USP32: variants seen among roughly 807,000 people sequenced by gnomAD.
The protein encoded by USP32 is ubiquitin carboxyl-terminal hydrolase 32.
A neutral mutation model predicts 204.8 loss-of-function variants in USP32; 59 were observed. The ratio of observed to expected loss-of-function variants is 0.29; its 90% CI spans 0.23 to 0.36. The LOEUF is 0.36. Ranked by LOEUF, USP32 falls within the 10% of genes least tolerant of loss-of-function variation. USP32 has a pLI of 1.00. For synonymous variants in USP32, 517 were observed against 678.4 expected (o/e 0.76, Z 3.70); for missense variants, 1,160 against 1,946.4 (o/e 0.60, Z 7.60).
chr17:60,329,392 C>T lies in USP32; in HGVS notation c.186+16089G>A, dbSNP rs114143662. On this transcript the variant is annotated intron_variant, in intron 2 of 33. Coordinates refer to ENST00000300896, the MANE Select transcript of USP32 (RefSeq NM_032582.4). ...GACTATTATATGCTAGGTATGAGCC[C>T]AGACCATAAAATGTTTATAGAACAT... Among the ~76,000 whole-genome samples the T allele has an allele frequency of 5.7e-3, 864 of 151,526 alleles. 7 individuals carry two copies. Among genetic ancestry groups the T allele is most frequent in the African/African-American group, 0.02 (827 of 41,386 alleles).
chr17:60,183,318 G>C lies in USP32; in HGVS notation c.3970C>G (p.Pro1324Ala). The change falls in exon 31 of 34, where the codon CCA becomes GCA. Residue 1324 changes from proline (P) to alanine (A), a missense_variant. By Grantham distance (27) the Pro-to-Ala change is conservative (BLOSUM62 -1). Coordinates refer to ENST00000300896, the MANE Select transcript of USP32 (RefSeq NM_032582.4). Reference protein sequence around the residue: ...PRDPALCQHKPLTPQGDELSE... With the variant: ...PRDPALCQHKALTPQGDELSE... ...AGCTCATCCCCCTGGGGTGTGAGTG[G>C]TTTATGCTGGCAGAGAGCCGGGTCT... is the stretch of plus-strand genomic sequence containing the variant. 6.2e-7 allele frequency: 1 copy of C among 1,613,988 alleles called. No homozygotes were observed. The highest frequency in any genetic ancestry group is 8.5e-7 in the Non-Finnish European group (1 of 1,179,870).
chr17:60,380,083 CA>C (rs1285784922), intron 1 of USP32, among the ~76,000 whole-genome samples: 12 of 152,142 alleles, frequency 7.9e-5, no homozygotes, highest in African/African-American at 2.9e-4. Context: ...AGGAAAGCTC[CA>C]AAGAAGGTAA....
At chr17:60,267,895 C>A (rs1377897876) in intron 7 of USP32, among the ~76,000 whole-genome samples, 1 of 152,086 alleles carries the variant, frequency 6.6e-6, no homozygotes, top group African/African-American at 2.4e-5. Context: ...ACTGCAACCT[C>A]CACCTCCCAG....
chr17:60,395,562 G>C (rs144751700), upstream of USP32, among the ~76,000 whole-genome samples: 2 of 152,202 alleles, frequency 1.3e-5, no homozygotes, highest in Admixed American at 6.5e-5. Flanking sequence ...AAGTCTGCTT[G>C]TCATGCTGAA....
At position 60,392,109 on chromosome 17, in the gene USP32, G is replaced by T; in HGVS notation, c.-170C>A. On this transcript the variant is annotated 5_prime_UTR_variant, in exon 1 of 34. Transcript: ENST00000300896. ...GCCCCGGCGGCTCCTCCCGGTCGCC[G>T]CCACCGCCTCCATGCCGGATCACGT... 1.6e-6 allele frequency: 1 copy of T among 617,818 alleles called. No homozygotes were observed. 38.3% of individuals were successfully genotyped at this position (617,818 alleles called of 1,614,324 possible).
At chr17:60,319,878 T>A (rs2088071882) in intron 2 of USP32, among the ~76,000 whole-genome samples, 1 of 152,176 alleles carries the variant, frequency 6.6e-6, no homozygotes, top group Non-Finnish European at 1.5e-5. Context: ...AATCTAGAGA[T>A]GATTTAAAGT....
At chr17:60,262,054 G>A (rs1329876061) in intron 9 of USP32, among the ~76,000 whole-genome samples, 1 of 152,116 alleles carries the variant, frequency 6.6e-6, no homozygotes, top group African/African-American at 2.4e-5. Context: ...AACTGTAAAT[G>A]GATTTTATTT....
intron 1 of USP32, among the ~76,000 whole-genome samples, chr17:60,345,818 CA>C (rs886984358): frequency 2.0e-5 from 3 of 150,974 alleles, no homozygotes; most frequent in African/African-American, 7.3e-5. Context: ...CCCATCTCTA[CA>C]AAAAAAACAA....
chr17:60,207,871 T>C (rs1027834388), intron 24 of USP32, 188 bp downstream of exon 24: 2 of 991,364 alleles, frequency 2.0e-6, no homozygotes, highest in African/African-American at 3.5e-5. Flanking sequence ...GTATTATCCC[T>C]TTATTCTGGT....
intron 12 of USP32, among the ~76,000 whole-genome samples, chr17:60,227,037 CAA>C (rs58720440): frequency 0.044 from 2,712 of 61,332 alleles, 83 homozygotes; most frequent in African/African-American, 0.14. Flanking sequence ...GACTCTGTCT[CAA>C]AAAAAAAAAA....
chr17:60,271,488 G>A lies in USP32; in HGVS notation c.572-7C>T. 6.2e-7 allele frequency: 1 copy of A among 1,611,498 alleles called. No homozygotes were observed. Among genetic ancestry groups the A allele is most frequent in the Non-Finnish European group, 8.5e-7 (1 of 1,178,740 alleles). On this transcript the variant is annotated splice_region_variant and splice_polypyrimidine_tract_variant and intron_variant, in intron 5 of 33. Coordinates refer to ENST00000300896, the MANE Select transcript of USP32 (RefSeq NM_032582.4). ...ATGATGTCTGATTCCTCCACTAAGG[G>A]TCAAATCAAAAAAGATTATAAAACC... is the stretch of plus-strand genomic sequence containing the variant.
intron 13 of USP32, among the ~76,000 whole-genome samples, chr17:60,225,542 T>A (rs9890837): frequency 2.0e-5 from 3 of 152,136 alleles, no homozygotes; most frequent in East Asian, 3.8e-4. Flanking sequence ...AAAATACTAA[T>A]ATATTCAAGA....
At chr17:60,367,123 A>G (rs1054721335) in intron 1 of USP32, among the ~76,000 whole-genome samples, 9 of 152,168 alleles carry the variant, frequency 5.9e-5, no homozygotes, top group South Asian at 4.1e-4. Context: ...CACCGCGCCT[A>G]GCCTAAGCCC....
intron 1 of USP32, among the ~76,000 whole-genome samples, chr17:60,349,594 AAAATATATAT>A (rs2088877876): frequency 3.6e-5 from 2 of 55,982 alleles, no homozygotes; most frequent in African/African-American, 2.1e-4. Context: ...AAAAAAAAAA[AAAATATATAT>A]ATATATATAT....
chr17:60,180,723 C>T, intron 32 of USP32, 86 bp from the exon 33 acceptor site: 2 of 1,321,590 alleles, frequency 1.5e-6, no homozygotes, highest in Non-Finnish European at 1.1e-6. Context: ...CAGGAGAACA[C>T]TGATCATGTA....
intron 9 of USP32, among the ~76,000 whole-genome samples, chr17:60,260,326 G>T (rs1323711150): frequency 2.0e-5 from 3 of 152,020 alleles, no homozygotes; most frequent in South Asian, 2.1e-4. Context: ...TTCGAGAGCA[G>T]CCTGGCCAAC....
chr17:60,359,275 A>G (rs1476211578), intron 1 of USP32, among the ~76,000 whole-genome samples: 1 of 152,200 alleles, frequency 6.6e-6, no homozygotes, highest in Admixed American at 6.5e-5. Context: ...CACAGCTTAT[A>G]TTGTATGTTT....
intron 22 of USP32, among the ~76,000 whole-genome samples, chr17:60,209,158 A>C (rs1332984497): frequency 6.6e-6 from 1 of 152,214 alleles, no homozygotes; most frequent in East Asian, 1.9e-4. Context: ...AAAGTTTACA[A>C]TATGAAATGG....
Position 60,179,181 on chromosome 17 carries a change from C to T in USP32, c.*74G>A, listed in dbSNP as rs112560951. The T allele has an allele frequency of 4.9e-3, 7,323 of 1,508,886 alleles. 240 individuals carry two copies. In the African/African-American group the frequency reaches 0.076, roughly 16 times the overall value. 93.5% of individuals were successfully genotyped at this position (1,508,886 alleles called of 1,614,324 possible). A position where few individuals can be genotyped will look rare whatever the true frequency, so the allele number is the denominator to read the frequency against. On this transcript the variant is annotated 3_prime_UTR_variant, in exon 34 of 34. Transcript: ENST00000300896. Reference sequence around the variant, plus strand: ...CTACATTTAGCTTGCCTTTCAGTGACGCTTTTGCCAAATGTCAGCTACAAG... The same window carrying T: ...CTACATTTAGCTTGCCTTTCAGTGATGCTTTTGCCAAATGTCAGCTACAAG...
Sources: allele counts gnomAD v4.1 joint callset (sites outside exome capture counted in the v4.1 genomes callset), GRCh38; gene constraint gnomAD v4.1.1; transcripts MANE v1.5; gene names NCBI Gene and HGNC (gene_info 2026-07-23, HGNC 2026-07-21).